The following ELOVL6 variants were observed in gnomAD, a reference collection of about 807,000 sequenced individuals.
ELOVL6 encodes ELOVL fatty acid elongase 6.
In ELOVL6, 8 loss-of-function variants were observed where a neutral mutation model predicts 31.7. That is an observed-to-expected ratio of 0.25 (90% confidence interval 0.15 to 0.45). The LOEUF (loss-of-function observed/expected upper bound fraction) is 0.45. Ranked by LOEUF, ELOVL6 falls within the 20% of genes least tolerant of loss-of-function variation. The probability of loss-of-function intolerance (pLI) is 1.00; values close to 1 mark genes in which losing one functional copy is unlikely to be tolerated. For missense variants in ELOVL6, 126 were observed against 326.4 expected (o/e 0.39, Z 4.73); for synonymous variants, 101 against 117.7 (o/e 0.86, Z 0.92).
At chr4:110,084,584 ATATATTTTTTTTT>A (rs1406865401) in intron 2 of ELOVL6, among the ~76,000 whole-genome samples, 562 of 54,794 alleles carry the variant, frequency 0.01, 6 homozygotes, top group East Asian at 0.018. Context: ...ATATATATAT[ATATATTTTTTTTT>A]TTTTTTTTTT....
intron 1 of ELOVL6, among the ~76,000 whole-genome samples, chr4:110,196,110 C>A (rs1759769687): frequency 6.6e-6 from 1 of 152,032 alleles, no homozygotes; most frequent in Non-Finnish European, 1.5e-5. Context: ...TAGGAAGTGG[C>A]CTCAGAGAAA....
chr4:110,056,440 A>AT (rs766352952), intron 3 of ELOVL6, among the ~76,000 whole-genome samples: 2 of 152,008 alleles, frequency 1.3e-5, no homozygotes, highest in Non-Finnish European at 2.9e-5. Context: ...ACTTGCACTG[A>AT]TTTTGGACCT....
At chr4:110,060,410 C>G (rs907091791) in intron 2 of ELOVL6, among the ~76,000 whole-genome samples, 6 of 152,180 alleles carry the variant, frequency 3.9e-5, no homozygotes, top group Admixed American at 2.0e-4. Flanking sequence ...TCCCTAGAAC[C>G]AGTGTTGTGC....
chr4:110,102,551 T>C (rs79029255), intron 2 of ELOVL6, among the ~76,000 whole-genome samples: 9,364 of 151,954 alleles, frequency 0.062, 800 homozygotes, highest in African/African-American at 0.19. Flanking sequence ...CCCAGCTACA[T>C]GGGAGGCTAA....
chr4:110,140,858 G>T (rs1026862675), intron 1 of ELOVL6, among the ~76,000 whole-genome samples: 10 of 151,672 alleles, frequency 6.6e-5, no homozygotes, highest in African/African-American at 2.4e-4. Flanking sequence ...TTTTATTACT[G>T]TATTAGTCCG....
At chr4:110,166,529 C>T (rs1758784284) in intron 1 of ELOVL6, among the ~76,000 whole-genome samples, 1 of 152,134 alleles carries the variant, frequency 6.6e-6, no homozygotes. Flanking sequence ...AGGAGAATCG[C>T]TTGAACCCGG....
chr4:110,084,202 T>C (rs1406734083), intron 2 of ELOVL6, among the ~76,000 whole-genome samples: 2 of 79,510 alleles, frequency 2.5e-5, no homozygotes, highest in South Asian at 3.8e-4. Context: ...ACTTATATGA[T>C]ATATATAACA....
At chr4:110,084,618 G>T (rs1378546568) in intron 2 of ELOVL6, among the ~76,000 whole-genome samples, 1 of 86,362 alleles carries the variant, frequency 1.2e-5, no homozygotes, top group Non-Finnish European at 2.0e-5. Flanking sequence ...TTTTTGAGAT[G>T]GAGTCTTGCT....
intron 2 of ELOVL6, among the ~76,000 whole-genome samples, chr4:110,094,819 T>C (rs891089912): frequency 2.6e-5 from 4 of 152,010 alleles, no homozygotes; most frequent in Non-Finnish European, 5.9e-5. Flanking sequence ...GGGCAGTTGA[T>C]GCAAGAAATA....
At chr4:110,096,330 A>C (rs1298247975) in intron 2 of ELOVL6, among the ~76,000 whole-genome samples, 1 of 152,180 alleles carries the variant, frequency 6.6e-6, no homozygotes, top group Non-Finnish European at 1.5e-5. Flanking sequence ...GAAAGTTGTC[A>C]ATTTCTTATT....
In ELOVL6 at chr4:110,198,229, G is replaced by T. The variant is rs1553963944; in HGVS notation, c.89+18C>A. On this transcript the variant is annotated intron_variant, in intron 1 of 3. Transcript: ENST00000302274. ...CGCAGGGCTCCCGGGAACAGTATCA[G>T]GCGAAAGCATCACGTACCAGTTTTC... 2 of 1,494,016 alleles carry T rather than the reference G, an allele frequency of 1.3e-6. No homozygotes were observed. Among genetic ancestry groups the T allele is most frequent in the Non-Finnish European group, 1.9e-6 (2 of 1,070,576 alleles). The allele number at this position is 1,494,016 out of a possible 1,614,324, so 92.5% of individuals were successfully genotyped here. A position where few individuals can be genotyped will look rare whatever the true frequency, so the allele number is the denominator to read the frequency against.
intron 2 of ELOVL6, among the ~76,000 whole-genome samples, chr4:110,084,158 A>ATAACT: frequency 2.0e-5 from 2 of 102,008 alleles, no homozygotes; most frequent in African/African-American, 1.2e-4. Flanking sequence ...TATATATAAC[A>ATAACT]TATATGTGAT....
chr4:110,157,277 T>G (rs1164641040), intron 1 of ELOVL6, among the ~76,000 whole-genome samples: 1 of 152,190 alleles, frequency 6.6e-6, no homozygotes, highest in Non-Finnish European at 1.5e-5. Context: ...ACATACAATG[T>G]GAAGCAAAAA....
At chr4:110,068,676 T>G (rs537916879) in intron 2 of ELOVL6, among the ~76,000 whole-genome samples, 10 of 152,288 alleles carry the variant, frequency 6.6e-5, no homozygotes, top group African/African-American at 2.4e-4. Flanking sequence ...TTTTCAGAGG[T>G]CTGACATGTT....
chr4:110,115,111 T>C (rs1225122309), intron 1 of ELOVL6, among the ~76,000 whole-genome samples: 1 of 152,168 alleles, frequency 6.6e-6, no homozygotes, highest in Non-Finnish European at 1.5e-5. Context: ...GTTTTCACGT[T>C]AACTATTGGA....
At chr4:110,121,155 G>T (rs1030626305) in intron 1 of ELOVL6, among the ~76,000 whole-genome samples, 1 of 152,156 alleles carries the variant, frequency 6.6e-6, no homozygotes, top group Non-Finnish European at 1.5e-5. Flanking sequence ...GAGGAAATGC[G>T]TAAGGCAGGG....
intron 1 of ELOVL6, among the ~76,000 whole-genome samples, chr4:110,116,125 A>C (rs1757162853): frequency 6.6e-6 from 1 of 152,228 alleles, no homozygotes; most frequent in Non-Finnish European, 1.5e-5. Context: ...CCCCTGCCCA[A>C]AGATATTCTG....
At position 110,133,956 on chromosome 4, in the gene ELOVL6, C is replaced by T. The variant is rs537539253; in HGVS notation, c.90-28328G>A. Among the ~76,000 whole-genome samples, 6 of 152,254 alleles carry T rather than the reference C, an allele frequency of 3.9e-5. No homozygotes were observed. The East Asian group carries it at 5.8e-4, about 15-fold the overall frequency. ...AAAAGTAGAATAATAATATCCATAA[C>T]GCTTTAACGCAGTAGATCCTGTGAT... On this transcript the variant is annotated intron_variant, in intron 1 of 3. Coordinates refer to ENST00000302274, the MANE Select transcript of ELOVL6 (RefSeq NM_024090.3).
intron 1 of ELOVL6, among the ~76,000 whole-genome samples, chr4:110,132,453 T>C (rs1757694858): frequency 6.6e-6 from 1 of 151,972 alleles, no homozygotes; most frequent in Non-Finnish European, 1.5e-5. Flanking sequence ...GCTGATTTAA[T>C]ATGGGGAGAG....
Sources: gnomAD v4.1 joint callset for allele counts (sites outside exome capture counted in the v4.1 genomes callset) on GRCh38, gnomAD v4.1.1 for gene constraint, MANE v1.5 for transcripts, NCBI Gene and HGNC (gene_info 2026-07-23, HGNC 2026-07-21) for gene names.